The following SEC16B variants were observed in gnomAD, a reference collection of about 807,000 sequenced individuals.
SEC16B encodes SEC16 homolog B, endoplasmic reticulum export factor.
A neutral mutation model predicts 141.8 loss-of-function variants in SEC16B; 115 were observed. The ratio of observed to expected loss-of-function variants is 0.81; its 90% CI spans 0.70 to 0.95. The LOEUF is 0.95. Ranked by LOEUF, SEC16B falls within the 40% of genes least tolerant of loss-of-function variation. The pLI, the probability that SEC16B is intolerant of heterozygous loss-of-function variation, is 0.00. For synonymous variants in SEC16B, 493 were observed against 492.5 expected (o/e 1.00, Z -0.01); for missense variants, 1,291 against 1,312.3 (o/e 0.98, Z 0.25).
intron 14 of SEC16B, 86 bp downstream of exon 14, chr1:177,946,334 G>T (rs1651702547): frequency 4.1e-6 from 4 of 985,950 alleles, no homozygotes; most frequent in Non-Finnish European, 6.3e-6. Context: ...ATGAGAAAAT[G>T]AAAAATGGAT....
At chr1:177,936,276 CT>C in intron 20 of SEC16B, 21 bp downstream of exon 20, 1 of 1,598,830 alleles carries the variant, frequency 6.3e-7, no homozygotes, top group Non-Finnish European at 8.5e-7. Flanking sequence ...GCAGTGGCAT[CT>C]TTTATGCTGT....
intron 12 of SEC16B, 36 bp from the exon 13 acceptor site, chr1:177,947,978 T>C: frequency 2.1e-6 from 3 of 1,441,308 alleles, no homozygotes; most frequent in Non-Finnish European, 2.9e-6. Flanking sequence ...GTACAATCAT[T>C]TAAGAATGGC....
rs1287075613 is a variant in SEC16B at position 177,966,046 on chromosome 1, G to A, written c.300-41C>T. 4.0e-6 allele frequency: 5 copies of A among 1,247,028 alleles called. No individual in the cohort carries two copies. The South Asian group carries it at 5.3e-5, about 13-fold the overall frequency. 77.2% of individuals were successfully genotyped at this position (1,247,028 alleles called of 1,614,324 possible). ...GAAGACTGGTCAGTTGAGGACAAGG[G>A]TAGTAAAGAGAGAAACCAATGAAGA... On this transcript the variant is annotated intron_variant, in intron 2 of 25. Coordinates refer to ENST00000308284, the MANE Select transcript of SEC16B (RefSeq NM_033127.4).
intron 24 of SEC16B, among the ~76,000 whole-genome samples, chr1:177,931,054 T>C (rs1444457845): frequency 6.6e-6 from 1 of 152,184 alleles, no homozygotes; most frequent in East Asian, 1.9e-4. Flanking sequence ...TACCATTTGA[T>C]CCAGCAATCC....
At chr1:177,936,535 C>G (rs989735174) in intron 19 of SEC16B, among the ~76,000 whole-genome samples, 170 bp from the exon 20 acceptor site, 1 of 152,208 alleles carries the variant, frequency 6.6e-6, no homozygotes, top group Non-Finnish European at 1.5e-5. Context: ...TAGCTCATCT[C>G]AATCCCAGCC....
At position 177,936,315 on chromosome 1, in the gene SEC16B, C is replaced by T. The variant is rs1650838179; in HGVS notation, c.2554G>A (p.Val852Ile). The T allele has an allele frequency of 6.2e-7, 1 of 1,610,740 alleles. No individual in the cohort carries two copies. The highest frequency in any genetic ancestry group is 8.5e-7 in the Non-Finnish European group (1 of 1,178,668). ...GCTCTCACCTGTGGTTTGGAAATGACCTCTTGGCCATCAGGAGGCTGGGAA... is the reference window on the plus strand; with the variant it reads ...GCTCTCACCTGTGGTTTGGAAATGATCTCTTGGCCATCAGGAGGCTGGGAA... ...ETSQPPDGQE[V>I]ISKPQTPLAA... The change falls in exon 20 of 26, where the codon GTC becomes ATC. Residue 852 changes from valine (V) to isoleucine (I), a missense_variant. By Grantham distance (29) the Val-to-Ile change is conservative. Transcript: ENST00000308284.
intron 6 of SEC16B, chr1:177,961,361 T>C (rs2101983569): frequency 7.6e-6 from 4 of 526,876 alleles, no homozygotes; most frequent in Non-Finnish European, 1.3e-5. Flanking sequence ...CTTTCCCAAC[T>C]TGATAATGGA....
rs764235024 is a variant in SEC16B at position 177,964,063 on chromosome 1, C to T, written c.642+108G>A. 33 of 715,344 alleles carry T rather than the reference C, an allele frequency of 4.6e-5. 1 individual carries two copies. The highest frequency in any genetic ancestry group is 4.1e-4 in the Middle Eastern group (1 of 2,424). The allele number at this position is 715,344 out of a possible 1,614,324, so 44.3% of individuals were successfully genotyped here. ...AGAGGGGAGGAATGGGTCCTCCAGA[C>T]GGCTGGCCACTGGACATCCATCCCC... On this transcript the variant is annotated intron_variant, in intron 5 of 25. Coordinates refer to ENST00000308284, the MANE Select transcript of SEC16B (RefSeq NM_033127.4).
At chr1:177,939,560 G>T (rs1225590484) in intron 18 of SEC16B, 142 bp downstream of exon 18, 6 of 687,250 alleles carry the variant, frequency 8.7e-6, no homozygotes, top group Non-Finnish European at 1.5e-5. Flanking sequence ...TGGAGAAGGC[G>T]CCTGGACAAC....
chr1:177,933,951 G>GA (rs1650643824), intron 20 of SEC16B, among the ~76,000 whole-genome samples: 1 of 150,646 alleles, frequency 6.6e-6, no homozygotes, highest in South Asian at 2.1e-4. Context: ...TGCTGGAGAT[G>GA]AAGAGGGCCA....
intron 1 of SEC16B, among the ~76,000 whole-genome samples, chr1:177,979,121 A>T (rs1435857719): frequency 6.6e-6 from 1 of 152,230 alleles, no homozygotes; most frequent in Non-Finnish European, 1.5e-5. Context: ...TCGGAAGAGC[A>T]TATGGCTTAG....
At chr1:177,931,011 T>C (rs1184179007) in intron 24 of SEC16B, among the ~76,000 whole-genome samples, 1 of 152,164 alleles carries the variant, frequency 6.6e-6, no homozygotes, top group East Asian at 1.9e-4. Flanking sequence ...TGAAAAACAG[T>C]ATGAAGATTC....
intron 20 of SEC16B, among the ~76,000 whole-genome samples, chr1:177,934,507 G>A (rs1650693329): frequency 6.6e-6 from 1 of 152,180 alleles, no homozygotes. Context: ...TTATTCAAAT[G>A]AATATAGTGT....
rs764844312 is a variant in SEC16B, at chr1:177,967,973, A to G, written c.9T>C (p.Leu3=). The change falls in exon 2 of 26, where the codon CTT becomes CTC. Residue 3 remains leucine, a synonymous_variant. Transcript: ENST00000308284. Reference sequence around the variant, plus strand: ...TCTGGGGCAGCCTCTGGGGAGCCCAAAGTTCCATCCTTGACTCTCTGAATT... The same window carrying G: ...TCTGGGGCAGCCTCTGGGGAGCCCAGAGTTCCATCCTTGACTCTCTGAATT... ME[L]WAPQRLPQTR... 6.2e-7 allele frequency: 1 copy of G among 1,604,482 alleles called. No homozygotes were observed. Among genetic ancestry groups the G allele is most frequent in the East Asian group, 2.2e-5 (1 of 44,632 alleles).
intron 4 of SEC16B, 91 bp downstream of exon 4, chr1:177,964,956 T>G (rs1571347722): frequency 2.8e-6 from 4 of 1,445,392 alleles, no homozygotes; most frequent in Non-Finnish European, 3.8e-6. Context: ...CTTCTGGAGG[T>G]GAGATGGCAG....
At chr1:177,948,056 C>T in intron 12 of SEC16B, 114 bp from the exon 13 acceptor site, 1 of 829,356 alleles carries the variant, frequency 1.2e-6, no homozygotes, top group Non-Finnish European at 2.0e-6. Flanking sequence ...GCCCACTCTA[C>T]CACCTGCAAT....
At position 177,960,908 on chromosome 1, in the gene SEC16B, C is replaced by T; in HGVS notation, c.819G>A (p.Met273Ile). Residue 273 changes from methionine to isoleucine, a missense_variant, in exon 7 of 26, where the codon ATG (methionine) becomes ATA (isoleucine). By Grantham distance (10) the Met-to-Ile change is conservative. Around this residue, in one of 3 missense-constraint regions of SEC16B, gnomAD observed 681 missense variants for 675.5 expected, o/e 1.01. Coordinates refer to ENST00000308284, the MANE Select transcript of SEC16B (RefSeq NM_033127.4). Reference protein sequence around the residue: ...DVSSAGPKAPMKFYIPHVPVS... With the variant: ...DVSSAGPKAPIKFYIPHVPVS... ...CAGGAACATGAGGGATGTAGAACTT[C>T]ATGGGTGCTTTGGGACCAGCTGAGG... is the stretch of plus-strand genomic sequence containing the variant. The T allele has an allele frequency of 1.2e-6, 2 of 1,614,014 alleles. No homozygotes were observed. The highest frequency in any genetic ancestry group is 2.2e-5 in the East Asian group (1 of 44,886).
At chr1:177,947,736 C>T (rs73045011) in intron 13 of SEC16B, 89 bp downstream of exon 13, 138,187 of 560,582 alleles carry the variant, frequency 0.25, 18,053 homozygotes, top group East Asian at 0.34. Flanking sequence ...AGGAGAGGGA[C>T]GGGGAGGGGA....
Position 177,932,507 on chromosome 1 carries a change from C to G in SEC16B, c.2995G>C (p.Gly999Arg). Reference protein sequence around the residue: ...GGAAAGAGVGGLSGPESVSFE... With the variant: ...GGAAAGAGVGRLSGPESVSFE... ...CCGCTTACCTCTGGTCCAGACAAGC[C>G]TCCAACCCCAGCGCCCGCAGCTGCT... Residue 999 changes from glycine to arginine, a missense_variant, in exon 24 of 26, where the codon GGC becomes CGC. By Grantham distance (125) the Gly-to-Arg change is moderately radical (BLOSUM62 -2). Transcript: ENST00000308284. The G allele has an allele frequency of 6.5e-7, 1 of 1,548,726 alleles. No individual in the cohort carries two copies. Among genetic ancestry groups the G allele is most frequent in the Non-Finnish European group, 8.7e-7 (1 of 1,146,332 alleles).
Sources: gnomAD v4.1 joint callset for allele counts (sites outside exome capture counted in the v4.1 genomes callset) on GRCh38, gnomAD v4.1.1 for gene constraint, gnomAD v4.1.1 regional missense constraint, MANE v1.5 for transcripts, NCBI Gene and HGNC (gene_info 2026-07-23, HGNC 2026-07-21) for gene names.